Variants in CCR3 observed in about 807,000 individuals in gnomAD.
The protein encoded by CCR3 is C-C chemokine receptor type 3.
For missense variants in CCR3, 419 were observed against 437.5 expected, an observed-to-expected ratio of 0.96 and a Z score of 0.38; for synonymous variants, 203 against 179.2, an observed-to-expected ratio of 1.13 and a Z score of -1.06.
intron 1 of CCR3, among the ~76,000 whole-genome samples, chr3:46,244,514 A>T (rs1700155426): frequency 6.6e-6 from 1 of 152,138 alleles, no homozygotes; most frequent in Admixed American, 6.5e-5. Context: ...GGATTTGGGT[A>T]GATAAAGGAA....
intron 2 of CCR3, among the ~76,000 whole-genome samples, chr3:46,223,422 A>T (rs563806050): frequency 4.6e-5 from 7 of 152,342 alleles, no homozygotes; most frequent in Non-Finnish European, 8.8e-5. Context: ...ATATCATGTT[A>T]TCTGTATTAC....
intron 1 of CCR3, among the ~76,000 whole-genome samples, chr3:46,253,788 C>T (rs988398093): frequency 6.6e-6 from 1 of 152,014 alleles, no homozygotes; most frequent in Non-Finnish European, 1.5e-5. Flanking sequence ...TGTGTTGATG[C>T]CCAGTGTGGG....
chr3:46,234,656 G>A (rs1700004611), intron 2 of CCR3, among the ~76,000 whole-genome samples: 1 of 152,142 alleles, frequency 6.6e-6, no homozygotes, highest in Non-Finnish European at 1.5e-5. Context: ...GTTTTTATGT[G>A]GAACACACAG....
At chr3:46,227,826 T>C (rs1699919683) in intron 2 of CCR3, among the ~76,000 whole-genome samples, 1 of 152,246 alleles carries the variant, frequency 6.6e-6, no homozygotes, top group South Asian at 2.1e-4. Flanking sequence ...TTTAGAGATT[T>C]TCCTGTTATC....
chr3:46,250,810 A>G (rs1414430743), intron 1 of CCR3, among the ~76,000 whole-genome samples: 1 of 151,766 alleles, frequency 6.6e-6, no homozygotes, highest in East Asian at 1.9e-4. Context: ...GAAGGGGTTC[A>G]GGGGTTCTTA....
chr3:46,241,391 T>G (rs1700082950), upstream of CCR3, among the ~76,000 whole-genome samples: 1 of 152,198 alleles, frequency 6.6e-6, no homozygotes, highest in African/African-American at 2.4e-5. Context: ...ACCTGCTCTG[T>G]GCCCAGTGCC....
intron 1 of CCR3, among the ~76,000 whole-genome samples, chr3:46,254,547 T>C (rs116513822): frequency 0.019 from 2,891 of 152,268 alleles, 39 homozygotes; most frequent in Non-Finnish European, 0.028. Flanking sequence ...GAATAATTTC[T>C]TTAGTGGTGA....
chr3:46,222,630 C>A (rs1043177050), intron 2 of CCR3, among the ~76,000 whole-genome samples: 4 of 152,174 alleles, frequency 2.6e-5, no homozygotes, highest in African/African-American at 9.7e-5. Context: ...AAGCAACAGA[C>A]AATGGCAGCA....
intron 2 of CCR3, among the ~76,000 whole-genome samples, chr3:46,217,411 T>C (rs2201150): frequency 0.6 from 91,805 of 151,872 alleles, 28,399 homozygotes; most frequent in East Asian, 0.87. Context: ...GTCATCAAGA[T>C]AGAAAGTCAA....
At chr3:46,229,238 A>G (rs1349379573) in intron 2 of CCR3, among the ~76,000 whole-genome samples, 1 of 152,128 alleles carries the variant, frequency 6.6e-6, no homozygotes, top group African/African-American at 2.4e-5. Flanking sequence ...ATATGTTGTG[A>G]TCTCAGATGC....
chr3:46,250,669 G>T (rs776064116), intron 1 of CCR3, among the ~76,000 whole-genome samples: 2 of 152,112 alleles, frequency 1.3e-5, no homozygotes, highest in African/African-American at 2.4e-5. Flanking sequence ...TAGGTTTTAG[G>T]ACAGGTGTAA....
At chr3:46,252,535 A>T (rs1048800565) in intron 1 of CCR3, among the ~76,000 whole-genome samples, 7 of 152,126 alleles carry the variant, frequency 4.6e-5, no homozygotes, top group African/African-American at 1.7e-4. Context: ...ATACAGAAAA[A>T]TTCTATTGGA....
Position 46,265,955 on chromosome 3 carries a change from C to T in CCR3, c.797C>T (p.Ser266Phe), listed in dbSNP as rs767719081. 1.9e-6 allele frequency: 3 copies of T among 1,614,116 alleles called. No individual in the cohort carries two copies. Among genetic ancestry groups the T allele is most frequent in the Non-Finnish European group, 2.5e-6 (3 of 1,180,010 alleles). The change falls in exon 2 of 2, where the codon TCC becomes TTC. Residue 266 changes from serine (S) to phenylalanine (F), a missense_variant. By Grantham distance (155) the Ser-to-Phe change is radical. Coordinates refer to ENST00000395940, the MANE Select transcript of CCR3 (RefSeq NM_178329.3). ...GCTATCCTTCTCTCTTCCTATCAAT[C>T]CATCTTATTTGGAAATGACTGTGAG... ...NVAILLSSYQ[S>F]ILFGNDCERS...
At chr3:46,262,251 T>C (rs1180977951) in intron 1 of CCR3, among the ~76,000 whole-genome samples, 1 of 152,254 alleles carries the variant, frequency 6.6e-6, no homozygotes, top group Admixed American at 6.5e-5. Flanking sequence ...TGAATCCTTT[T>C]TCCTGCTATC....
At chr3:46,257,910 AG>A (rs879574511) in intron 1 of CCR3, among the ~76,000 whole-genome samples, 3 of 152,104 alleles carry the variant, frequency 2.0e-5, no homozygotes, top group Non-Finnish European at 4.4e-5. Context: ...GAGTTGGGGG[AG>A]GTGGGTAGTT....
intron 2 of CCR3, among the ~76,000 whole-genome samples, chr3:46,220,163 A>C (rs1699819888): frequency 6.6e-6 from 1 of 152,244 alleles, no homozygotes; most frequent in Admixed American, 6.5e-5. Flanking sequence ...TAATCCCATC[A>C]AAAAGCGGGC....
At chr3:46,262,548 T>A (rs1205247499) in intron 1 of CCR3, among the ~76,000 whole-genome samples, 1 of 152,232 alleles carries the variant, frequency 6.6e-6, no homozygotes, top group Non-Finnish European at 1.5e-5. Flanking sequence ...TTTGAAAGCC[T>A]AATTCAAACC....
intron 1 of CCR3, among the ~76,000 whole-genome samples, chr3:46,261,447 G>A (rs79539493): frequency 0.095 from 14,506 of 152,276 alleles, 951 homozygotes; most frequent in Non-Finnish European, 0.14. Context: ...AAAGGGGAGA[G>A]GATGGTTATT....
In CCR3 at chr3:46,266,085, G is replaced by C. The variant is rs1180367093; in HGVS notation, c.927G>C (p.Arg309=). Residue 309 remains arginine, a synonymous_variant, in exon 2 of 2, where the codon CGG becomes CGC. Coordinates refer to ENST00000395940, the MANE Select transcript of CCR3 (RefSeq NM_178329.3). ...ACGCCTTTGTTGGAGAGAGGTTCCG[G>C]AAGTACCTGCGCCACTTCTTCCACA... is the stretch of plus-strand genomic sequence containing the variant. ...VIYAFVGERF[R]KYLRHFFHRH... is the part of the protein sequence containing the mutation. The C allele has an allele frequency of 6.2e-7, 1 of 1,613,986 alleles. No homozygotes were observed. The highest frequency in any genetic ancestry group is 8.5e-7 in the Non-Finnish European group (1 of 1,179,998).
Sources: allele counts gnomAD v4.1 joint callset (sites outside exome capture counted in the v4.1 genomes callset), GRCh38; gene constraint gnomAD v4.1.1; transcripts MANE v1.5; gene names NCBI Gene and HGNC (gene_info 2026-07-23, HGNC 2026-07-21).